Variants in TYW1B observed in about 807,000 individuals in gnomAD.
TYW1B encodes the protein S-adenosyl-L-methionine-dependent tRNA 4-demethylwyosine synthase TYW1B.
In TYW1B, 73 loss-of-function variants were observed where a neutral mutation model predicts 86.9. The observed-to-expected ratio is 0.84, with a 90% CI of 0.70 to 1.02. The LOEUF is 1.02. Ranked by LOEUF, TYW1B falls within the 50% of genes least tolerant of loss-of-function variation. The probability of loss-of-function intolerance (pLI) is 0.00; values close to 1 mark genes in which losing one functional copy is unlikely to be tolerated. For missense variants in TYW1B, 637 were observed against 827.4 expected (o/e 0.77, Z 2.82); for synonymous variants, 248 against 292.8 (o/e 0.85, Z 1.56).
chr7:72,717,157 C>T (rs1786804490), intron 9 of TYW1B, among the ~76,000 whole-genome samples: 1 of 151,868 alleles, frequency 6.6e-6, no homozygotes, highest in Non-Finnish European at 1.5e-5. Context: ...AAAAATTAGC[C>T]AGGCGTGGTG....
intron 6 of TYW1B, among the ~76,000 whole-genome samples, chr7:72,794,630 ACTTCTCAG>A (rs557221092): frequency 6.4e-4 from 97 of 152,118 alleles, no homozygotes; most frequent in Admixed American, 2.2e-3. Context: ...GACAAAGTAC[ACTTCTCAG>A]CTTCTCAGAG....
intron 11 of TYW1B, among the ~76,000 whole-genome samples, chr7:72,649,737 C>A (rs1177238013): frequency 2.0e-5 from 3 of 152,144 alleles, no homozygotes; most frequent in Non-Finnish European, 4.4e-5. Flanking sequence ...AACTATACAT[C>A]TCTAAAATCA....
At chr7:72,578,777 G>A (rs548968450) in intron 13 of TYW1B, among the ~76,000 whole-genome samples, 10 of 152,288 alleles carry the variant, frequency 6.6e-5, no homozygotes, top group African/African-American at 2.4e-4. Context: ...CAAGGCACTT[G>A]GGGAGTACAG....
At position 72,600,985 on chromosome 7, in the gene TYW1B, G is replaced by T. The variant is rs546608661; in HGVS notation, c.1785+15687C>A. Among the ~76,000 whole-genome samples the T allele has an allele frequency of 2.0e-5, 3 of 152,090 alleles. No homozygotes were observed. In the South Asian group the frequency reaches 6.2e-4, roughly 32 times the overall value. Reference sequence around the variant, plus strand: ...AGCCTGGCTAACATGGCGAAGCCCTGTTTCTACTAAAAATACAAAAAATTA... The same window carrying T: ...AGCCTGGCTAACATGGCGAAGCCCTTTTTCTACTAAAAATACAAAAAATTA... On this transcript the variant is annotated intron_variant, in intron 13 of 13. Transcript: ENST00000620995.
At chr7:72,826,567 T>C (rs1250182812) in intron 2 of TYW1B, among the ~76,000 whole-genome samples, 1 of 152,190 alleles carries the variant, frequency 6.6e-6, no homozygotes, top group African/African-American at 2.4e-5. Context: ...AGAGGACTAC[T>C]GACCCTTAAA....
At chr7:72,749,246 T>C (rs1261099775) in intron 7 of TYW1B, among the ~76,000 whole-genome samples, 4 of 152,200 alleles carry the variant, frequency 2.6e-5, no homozygotes, top group African/African-American at 4.8e-5. Flanking sequence ...ATCTTTTCAA[T>C]GGCTGCAGGA....
intron 12 of TYW1B, among the ~76,000 whole-genome samples, chr7:72,624,053 G>A (rs1485016803): frequency 6.6e-6 from 1 of 152,064 alleles, no homozygotes; most frequent in African/African-American, 2.4e-5. Flanking sequence ...TGCCTGACTC[G>A]GCCTCCCAAA....
rs141426385 is a variant in TYW1B at position 72,667,558 on chromosome 7, A to G, written c.1506+27129T>C. Among the ~76,000 whole-genome samples, 664 of 152,238 alleles carry G rather than the reference A, an allele frequency of 4.4e-3. 3 individuals carry two copies. Among genetic ancestry groups the G allele is most frequent in the African/African-American group, 0.015 (627 of 41,536 alleles). On this transcript the variant is annotated intron_variant, in intron 11 of 13. Transcript: ENST00000620995. ...GCAAAACCCTGTCTCTATAAAAAAT[A>G]CAAAAATTAGCCAGGTGTGGTGACA...
At chr7:72,739,477 G>A (rs751089775) in intron 8 of TYW1B, among the ~76,000 whole-genome samples, 5 of 151,674 alleles carry the variant, frequency 3.3e-5, no homozygotes, top group Admixed American at 6.6e-5. Context: ...ATGGTGGCAC[G>A]CACCTGTAAT....
chr7:72,598,747 C>T (rs1191488586), intron 13 of TYW1B, among the ~76,000 whole-genome samples: 1 of 152,064 alleles, frequency 6.6e-6, no homozygotes, highest in Non-Finnish European at 1.5e-5. Flanking sequence ...GAATTTGGGA[C>T]TTGTGACTGC....
chr7:72,802,404 T>A lies in TYW1B; in HGVS notation c.842A>T (p.Glu281Val), dbSNP rs1788416972. The stretch of plus-strand genomic sequence containing the variant: ...CATTTCCCAAAGTAATGGTACCTTT[T>A]CTTTCTTCACGTGATCCATAATTTT... Reference protein sequence around the residue: ...LGKIMDHVKKEKREKEQQEEK... With the variant: ...LGKIMDHVKKVKREKEQQEEK... The change falls in exon 6 of 14, where the codon GAA becomes GTA. Residue 281 changes from glutamate to valine, a missense_variant. Coordinates refer to ENST00000620995, the MANE Select transcript of TYW1B (RefSeq NM_001145440.3). The A allele has an allele frequency of 6.2e-7, 1 of 1,613,730 alleles. No homozygotes were observed. Among genetic ancestry groups the A allele is most frequent in the Non-Finnish European group, 8.5e-7 (1 of 1,179,824 alleles).
chr7:72,785,779 C>G (rs1304020447), intron 6 of TYW1B, among the ~76,000 whole-genome samples: 1 of 152,052 alleles, frequency 6.6e-6, no homozygotes, highest in Non-Finnish European at 1.5e-5. Context: ...GATGATCATG[C>G]GGAAAGCACT....
chr7:72,688,650 AT>A (rs1814066606), intron 11 of TYW1B, among the ~76,000 whole-genome samples: 1 of 152,120 alleles, frequency 6.6e-6, no homozygotes, highest in Non-Finnish European at 1.5e-5. Flanking sequence ...TTCTTGGGTC[AT>A]CCCATCTGCT....
At chr7:72,757,392 A>G (rs566674079) in intron 7 of TYW1B, among the ~76,000 whole-genome samples, 1 of 151,940 alleles carries the variant, frequency 6.6e-6, no homozygotes, top group African/African-American at 2.4e-5. Flanking sequence ...AAAAACCAGA[A>G]ATGCAAAGAA....
At chr7:72,771,849 ATT>A (rs781905339) in intron 7 of TYW1B, among the ~76,000 whole-genome samples, 6 of 143,052 alleles carry the variant, frequency 4.2e-5, no homozygotes, top group Non-Finnish European at 7.7e-5. Flanking sequence ...TAAAGAAATG[ATT>A]TTTTTTTTTT....
At chr7:72,726,830 C>T (rs1222236368) in intron 9 of TYW1B, among the ~76,000 whole-genome samples, 1 of 152,128 alleles carries the variant, frequency 6.6e-6, no homozygotes, top group Non-Finnish European at 1.5e-5. Flanking sequence ...GTTTGATTGA[C>T]TCGCAGTTCA....
Position 72,608,526 on chromosome 7 carries a change from C to A in TYW1B, c.1785+8146G>T, listed in dbSNP as rs10085414. Among the ~76,000 whole-genome samples, 204 of 152,208 alleles carry A rather than the reference C, an allele frequency of 1.3e-3. 1 individual carries two copies. Among genetic ancestry groups the A allele is most frequent in the African/African-American group, 4.6e-3 (192 of 41,522 alleles). Reference sequence around the variant, plus strand: ...ATATGTAAATCAACCACTAAAAAGTCTATACGAAGAGATGCACTCAACAAC... The same window carrying A: ...ATATGTAAATCAACCACTAAAAAGTATATACGAAGAGATGCACTCAACAAC... On this transcript the variant is annotated intron_variant, in intron 13 of 13. Coordinates refer to ENST00000620995, the MANE Select transcript of TYW1B (RefSeq NM_001145440.3).
Position 72,574,677 on chromosome 7 carries a change from G to A in TYW1B, c.*821C>T. On this transcript the variant is annotated 3_prime_UTR_variant, in exon 14 of 14. Coordinates refer to ENST00000620995, the MANE Select transcript of TYW1B (RefSeq NM_001145440.3). ...AGCAGCGAGGGCCACAGGAGTCAAA[G>A]AAGATGGAGACCCGCCGTCTGGTCG... The A allele has an allele frequency of 2.0e-6, 2 of 985,464 alleles. No individual in the cohort carries two copies. The highest frequency in any genetic ancestry group is 2.4e-6 in the Non-Finnish European group (2 of 829,952). 61.0% of individuals were successfully genotyped at this position (985,464 alleles called of 1,614,324 possible).
intron 11 of TYW1B, among the ~76,000 whole-genome samples, chr7:72,672,639 G>T (rs1813637342): frequency 6.6e-6 from 1 of 152,094 alleles, no homozygotes; most frequent in African/African-American, 2.4e-5. Context: ...AATAGAGAAG[G>T]CCAACTTTTC....
Sources: allele counts gnomAD v4.1 joint callset (sites outside exome capture counted in the v4.1 genomes callset), GRCh38; gene constraint gnomAD v4.1.1; transcripts MANE v1.5; gene names NCBI Gene and HGNC (gene_info 2026-07-23, HGNC 2026-07-21).